PIK3CB: variants seen among roughly 807,000 people sequenced by gnomAD.
The protein encoded by PIK3CB is phosphatidylinositol-4,5-bisphosphate 3-kinase catalytic subunit beta, also known as phosphatidylinositol 4,5-bisphosphate 3-kinase catalytic subunit beta isoform.
A neutral mutation model predicts 136.8 loss-of-function variants in PIK3CB; 39 were observed. That is an observed-to-expected ratio of 0.29 (90% CI 0.22 to 0.37). The LOEUF is 0.37. Ranked by LOEUF, PIK3CB falls within the 10% of genes least tolerant of loss-of-function variation. The pLI, the probability that PIK3CB is intolerant of heterozygous loss-of-function variation, is 1.00. For synonymous variants in PIK3CB, 428 were observed against 436.6 expected (o/e 0.98, Z 0.25); for missense variants, 868 against 1,275.4 (o/e 0.68, Z 4.87).
chr3:138,669,656 T>C (rs2043492959), intron 19 of PIK3CB, among the ~76,000 whole-genome samples: 1 of 152,188 alleles, frequency 6.6e-6, no homozygotes, highest in Non-Finnish European at 1.5e-5. Context: ...CACATCAATG[T>C]CTTATAAATG....
intron 2 of PIK3CB, among the ~76,000 whole-genome samples, chr3:138,764,065 C>T (rs111481890): frequency 2.0e-5 from 3 of 149,912 alleles, no homozygotes; most frequent in African/African-American, 7.4e-5. Context: ...GAGCCGAGAT[C>T]GCACCACTGC....
rs2044923219 is a variant in PIK3CB at position 138,729,524 on chromosome 3, A to T, written c.1050+3837T>A. Among the ~76,000 whole-genome samples, 3 of 152,276 alleles carry T rather than the reference A, an allele frequency of 2.0e-5. No homozygotes were observed. In the South Asian group the frequency reaches 6.2e-4, roughly 32 times the overall value. On this transcript the variant is annotated intron_variant, in intron 8 of 23. Transcript: ENST00000674063. ...ACTAGCTGAATACCTGAAGAGAACA[A>T]AGACTGACCCTCCCCAAGTAAGACA...
chr3:138,826,031 C>A, intron 1 of PIK3CB: 2 of 1,364,322 alleles, frequency 1.5e-6, no homozygotes, highest in South Asian at 1.2e-5. Context: ...ACTGGATTGT[C>A]ACACAGCTTA....
At chr3:138,703,154 T>C (rs946356075) in intron 12 of PIK3CB, among the ~76,000 whole-genome samples, 2 of 152,224 alleles carry the variant, frequency 1.3e-5, no homozygotes, top group African/African-American at 4.8e-5. Context: ...AGTCTGGCAC[T>C]ACTGCTCTCT....
chr3:138,807,076 G>C (rs2046242515), intron 1 of PIK3CB, among the ~76,000 whole-genome samples: 2 of 152,108 alleles, frequency 1.3e-5, no homozygotes, highest in Admixed American at 1.3e-4. Context: ...ATTGTTTCTG[G>C]TCACAATCTG....
intron 2 of PIK3CB, chr3:138,777,726 A>G (rs2045875724): frequency 6.4e-6 from 1 of 155,096 alleles, no homozygotes; most frequent in African/African-American, 2.4e-5. Context: ...ACTACAGTCA[A>G]TAATTCATTT....
intron 13 of PIK3CB, among the ~76,000 whole-genome samples, chr3:138,696,261 CA>C (rs2044136494): frequency 6.6e-6 from 1 of 151,090 alleles, no homozygotes; most frequent in South Asian, 2.1e-4. Context: ...TACCTCACTG[CA>C]GCCTTGAACT....
chr3:138,781,514 G>A (rs574478472), intron 2 of PIK3CB, among the ~76,000 whole-genome samples: 1 of 151,590 alleles, frequency 6.6e-6, no homozygotes, highest in African/African-American at 2.4e-5. Context: ...GTGCAGTGGT[G>A]CAATCTTGGC....
chr3:138,731,219 C>G (rs1250176471), intron 8 of PIK3CB, among the ~76,000 whole-genome samples: 2 of 151,958 alleles, frequency 1.3e-5, no homozygotes, highest in East Asian at 3.9e-4. Flanking sequence ...AGACCAGTAC[C>G]TTTTTTCTTA....
In PIK3CB at chr3:138,718,937, A is replaced by C. The variant is rs77652319; in HGVS notation, c.1051-4218T>G. The stretch of plus-strand genomic sequence containing the variant: ...TTTGTATTAGATATGATTTTTTAAA[A>C]CAACCATTTGGGTTTTTCTCCCTCT... On this transcript the variant is annotated intron_variant, in intron 8 of 23. Coordinates refer to ENST00000674063, the MANE Select transcript of PIK3CB (RefSeq NM_006219.3). Among the ~76,000 whole-genome samples the C allele has an allele frequency of 2.0e-3, 302 of 152,224 alleles. 1 individual carries two copies. The highest frequency in any genetic ancestry group is 0.015 in the East Asian group (80 of 5,178).
Position 138,737,908 on chromosome 3 carries a change from G to GA in PIK3CB, c.622-23dup, listed in dbSNP as rs1559852017. ...CGTCCTGAAGGGGGAGGGAGATGGGGAAAAAAGCAGTAAATGTTATATTTA... is the reference window on the plus strand; with the variant it reads ...CGTCCTGAAGGGGGAGGGAGATGGGGAAAAAAAGCAGTAAATGTTATATTTA... On this transcript the variant is annotated intron_variant, in intron 5 of 23. Transcript: ENST00000674063. The GA allele has an allele frequency of 8.9e-6, 13 of 1,466,702 alleles. No homozygotes were observed. The South Asian group carries it at 1.4e-4, about 16-fold the overall frequency. 90.9% of individuals were successfully genotyped at this position (1,466,702 alleles called of 1,614,324 possible).
chr3:138,827,035 C>T (rs1933813930), intron 1 of PIK3CB, among the ~76,000 whole-genome samples: 1 of 152,048 alleles, frequency 6.6e-6, no homozygotes, highest in Non-Finnish European at 1.5e-5. Context: ...CACCATTGCA[C>T]TCCAGCCTGG....
At chr3:138,708,896 C>T (rs189097089) in intron 10 of PIK3CB, among the ~76,000 whole-genome samples, 1 of 152,202 alleles carries the variant, frequency 6.6e-6, no homozygotes, top group East Asian at 1.9e-4. Context: ...TAGCCCCATA[C>T]ATAGAGGTAA....
intron 1 of PIK3CB, among the ~76,000 whole-genome samples, chr3:138,809,531 G>A (rs567645199): frequency 3.2e-4 from 48 of 151,038 alleles, no homozygotes; most frequent in Middle Eastern, 3.4e-3. Context: ...ACTTGAACCC[G>A]GGAGGCAGAG....
rs554278047 is a variant in PIK3CB at position 138,798,406 on chromosome 3, A to AC, written c.-121-1840dup. Among the ~76,000 whole-genome samples, 499 of 152,098 alleles carry AC rather than the reference A, an allele frequency of 3.3e-3. 5 individuals carry two copies. Among genetic ancestry groups the AC allele is most frequent in the African/African-American group, 0.01 (424 of 41,498 alleles). ...TCTCGAACTCCTGACCTCGTGATCC[A>AC]CCCACGTCAGCCTCCCAAAGTGCTG... On this transcript the variant is annotated intron_variant, in intron 1 of 23. Coordinates refer to ENST00000674063, the MANE Select transcript of PIK3CB (RefSeq NM_006219.3).
intron 19 of PIK3CB, among the ~76,000 whole-genome samples, chr3:138,677,362 T>G (rs1326560971): frequency 1.3e-5 from 2 of 152,076 alleles, no homozygotes; most frequent in Non-Finnish European, 2.9e-5. Context: ...CCAGCCTTAC[T>G]CAAGATTGAG....
At chr3:138,825,028 T>C in intron 1 of PIK3CB, 1 of 224,816 alleles carries the variant, frequency 4.4e-6, no homozygotes, top group Middle Eastern at 2.4e-3. Flanking sequence ...ACCACTGCAC[T>C]CCAATCTGGG....
At chr3:138,729,476 C>A (rs893820683) in intron 8 of PIK3CB, among the ~76,000 whole-genome samples, 1 of 152,168 alleles carries the variant, frequency 6.6e-6, no homozygotes, top group Non-Finnish European at 1.5e-5. Context: ...ATTGCCCTCC[C>A]TGATGTAGGC....
chr3:138,834,876 C>T lies in PIK3CB; in HGVS notation c.-303G>A, dbSNP rs1017318168. ...GCCATGGCCCGCTCCGCCGCAGCGC[C>T]GCACAGGCCGACAGAGCACGCGCGC... On this transcript the variant is annotated 5_prime_UTR_variant, in exon 1 of 24. Coordinates refer to ENST00000674063, the MANE Select transcript of PIK3CB (RefSeq NM_006219.3). The T allele has an allele frequency of 1.0e-3, 152 of 151,958 alleles. No individual in the cohort carries two copies. Among genetic ancestry groups the T allele is most frequent in the Non-Finnish European group, 1.1e-3 (74 of 68,358 alleles). The allele number at this position is 151,958 out of a possible 1,614,324, so 9.4% of individuals were successfully genotyped here. A position where few individuals can be genotyped will look rare whatever the true frequency, so the allele number is the denominator to read the frequency against.
Sources: gnomAD v4.1 joint callset for allele counts (sites outside exome capture counted in the v4.1 genomes callset) on GRCh38, gnomAD v4.1.1 for gene constraint, MANE v1.5 for transcripts, NCBI Gene and HGNC (gene_info 2026-07-23, HGNC 2026-07-21) for gene names.